Variants in SHPRH observed in about 807,000 individuals in gnomAD.
The protein encoded by SHPRH is E3 ubiquitin-protein ligase SHPRH.
A neutral mutation model predicts 202.5 loss-of-function variants in SHPRH; 106 were observed. That is an observed-to-expected ratio of 0.52 (90% CI 0.45 to 0.62). SHPRH has a LOEUF of 0.62. Among genes scored for constraint, SHPRH ranks in the 20% least tolerant of loss-of-function variants. The pLI is 0.00. For synonymous variants in SHPRH, 729 were observed against 686.0 expected (o/e 1.06, Z -0.98); for missense variants, 1,710 against 2,020.0 (o/e 0.85, Z 2.94).
chr6:145,918,796 G>A (rs1428873049), intron 22 of SHPRH: 1 of 152,454 alleles, frequency 6.6e-6, no homozygotes, highest in African/African-American at 2.4e-5. Flanking sequence ...CAGACTTAAG[G>A]CACTAAACAA....
chr6:145,875,798 A>G (rs569229654), intron 2 of SHPRH, among the ~76,000 whole-genome samples: 1 of 152,306 alleles, frequency 6.6e-6, no homozygotes, highest in East Asian at 1.9e-4. Flanking sequence ...GCAATTCCAG[A>G]TGCTACAACA....
intron 25 of SHPRH, among the ~76,000 whole-genome samples, chr6:145,902,892 T>G (rs1197704675): frequency 3.3e-5 from 5 of 152,104 alleles, no homozygotes; most frequent in Admixed American, 6.6e-5. Context: ...GAGTTTACAC[T>G]CAACAAATGA....
chr6:145,905,754 G>C (rs1176044934), intron 25 of SHPRH: 3 of 152,028 alleles, frequency 2.0e-5, no homozygotes, highest in Non-Finnish European at 2.9e-5. Flanking sequence ...AGGGCTGACT[G>C]TAAAATGTAT....
chr6:145,894,673 A>G (rs1710551576), intron 26 of SHPRH, among the ~76,000 whole-genome samples: 1 of 152,118 alleles, frequency 6.6e-6, no homozygotes, highest in African/African-American at 2.4e-5. Context: ...GAAACTAATA[A>G]AAAGTCATGA....
intron 20 of SHPRH, 115 bp downstream of exon 20, chr6:145,922,166 TAATTA>T: frequency 1.2e-6 from 1 of 833,774 alleles, no homozygotes; most frequent in Non-Finnish European, 1.8e-6. Context: ...CTAATCAATT[TAATTA>T]AAGAAACAAT....
rs186195084 is a variant in SHPRH, at chr6:145,937,086, C to T, written c.2570-1645G>A. Among the ~76,000 whole-genome samples, 223 of 150,028 alleles carry T rather than the reference C, an allele frequency of 1.5e-3. 4 individuals carry two copies. Among genetic ancestry groups the T allele is most frequent in the Admixed American group, 0.012 (187 of 15,010 alleles). On this transcript the variant is annotated intron_variant, in intron 11 of 29. Transcript: ENST00000275233. ...GCAACTTCTGCCTCCCAGGTTCAAG[C>T]GATTCTCCTGCCTCAGCCTCCCGAC...
chr6:145,859,879 T>C (rs1050875217), downstream of SHPRH, among the ~76,000 whole-genome samples: 2 of 152,052 alleles, frequency 1.3e-5, no homozygotes, highest in Non-Finnish European at 2.9e-5. Flanking sequence ...GAGTGGCAAA[T>C]GTGAGTATGT....
rs756413289 is a variant in SHPRH, at chr6:145,954,929, T to G, written c.394A>C (p.Asn132His). The change falls in exon 2 of 30, where the codon AAT becomes CAT. Residue 132 changes from asparagine to histidine, a missense_variant. Around this residue, in one of 8 missense-constraint regions of SHPRH, gnomAD observed 459 missense variants for 426.5 expected, o/e 1.08. Coordinates refer to ENST00000275233, the MANE Select transcript of SHPRH (RefSeq NM_001042683.3). ...AATGTAATACTCCTTTCGGAAAAAT[T>G]TTCAATTAAACTCTGTGCAGGAAGA... is the stretch of plus-strand genomic sequence containing the variant. Reference protein sequence around the residue: ...QLLPAQSLIENFSERSITLMS... With the variant: ...QLLPAQSLIEHFSERSITLMS... 6.2e-7 allele frequency: 1 copy of G among 1,613,806 alleles called. No individual in the cohort carries two copies. The highest frequency in any genetic ancestry group is 1.1e-5 in the South Asian group (1 of 91,062).
intron 11 of SHPRH, among the ~76,000 whole-genome samples, chr6:145,937,538 C>G (rs1786244692): frequency 6.6e-6 from 1 of 152,166 alleles, no homozygotes; most frequent in Admixed American, 6.6e-5. Flanking sequence ...CACACTGCAA[C>G]TAGAGTGATC....
In SHPRH at chr6:145,886,477, G is replaced by T; in HGVS notation, c.*214C>A. 1 of 928,714 alleles carries T rather than the reference G, an allele frequency of 1.1e-6. No homozygotes were observed. The highest frequency in any genetic ancestry group is 1.7e-6 in the Non-Finnish European group (1 of 576,544). The allele number at this position is 928,714 out of a possible 1,614,324, so 57.5% of individuals were successfully genotyped here. A position where few individuals can be genotyped will look rare whatever the true frequency, so the allele number is the denominator to read the frequency against. ...AAAAAATAAATGTTTTATTAGGAGT[G>T]TAAAATTAAGAATCTTTATAGATCT... On this transcript the variant is annotated 3_prime_UTR_variant, in exon 30 of 30. Transcript: ENST00000275233.
chr6:145,901,419 A>G (rs1032529821), intron 25 of SHPRH, among the ~76,000 whole-genome samples: 4 of 152,146 alleles, frequency 2.6e-5, no homozygotes, highest in Non-Finnish European at 5.9e-5. Flanking sequence ...AAATATTCAC[A>G]TTGTTAAAAA....
At chr6:145,868,462 T>G (rs1454556017) in intron 2 of SHPRH, among the ~76,000 whole-genome samples, 1 of 151,768 alleles carries the variant, frequency 6.6e-6, no homozygotes, top group Non-Finnish European at 1.5e-5. Flanking sequence ...AAACCCAAGT[T>G]GCTCTGAGTT....
intron 2 of SHPRH, 79 bp from the exon 3 acceptor site, chr6:145,952,557 T>C: frequency 3.7e-6 from 5 of 1,341,304 alleles, no homozygotes; most frequent in Non-Finnish European, 3.0e-6. Context: ...AAGAAAAAAT[T>C]AGCATCACTA....
At chr6:145,883,931 G>A (rs1305521301), downstream of SHPRH, 1 of 152,076 alleles carries the variant, frequency 6.6e-6, no homozygotes, top group African/African-American at 2.4e-5. Context: ...TTAAGCCTGA[G>A]GTTATTCAGC....
Position 145,894,899 on chromosome 6 carries a change from G to A in SHPRH, c.4594C>T (p.Leu1532Phe), listed in dbSNP as rs1420032880. 4 of 1,612,544 alleles carry A rather than the reference G, an allele frequency of 2.5e-6. No individual in the cohort carries two copies. The Admixed American group carries it at 6.7e-5, about 27-fold the overall frequency. ...GTTGATTATACCGTTGAGAAAACGA[G>A]TGCTTTGGCCCCTGGATCTCTAAGC... ...IQLRDPGAKA[L>F]VFSTWQDVLD... Residue 1532 changes from leucine to phenylalanine, a missense_variant, in exon 26 of 30, where the codon CTC (leucine) becomes TTC (phenylalanine). Leu to Phe is a conservative substitution (Grantham distance 22, BLOSUM62 0). Transcript: ENST00000275233.
chr6:145,898,865 G>A (rs1782244424), intron 25 of SHPRH, among the ~76,000 whole-genome samples: 1 of 152,090 alleles, frequency 6.6e-6, no homozygotes, highest in South Asian at 2.1e-4. Context: ...TAGTTGGAGT[G>A]CAGTGGTGTA....
chr6:145,891,404 A>G (rs1322059632), intron 28 of SHPRH, among the ~76,000 whole-genome samples: 1 of 152,116 alleles, frequency 6.6e-6, no homozygotes, highest in Non-Finnish European at 1.5e-5. Context: ...AAGGCCTTGC[A>G]TGCCTTCCTG....
chr6:145,950,449 C>T lies in SHPRH; in HGVS notation c.797G>A (p.Ser266Asn). ...VLEEDEDDPE[S>N]EPEGQDIDEL... is the part of the protein sequence containing the mutation. Reference sequence around the variant, plus strand: ...GTCAATGTCTTGTCCCTCTGGCTCACTCTCCGGATCATCTTCATCCTCTTC... The same window carrying T: ...GTCAATGTCTTGTCCCTCTGGCTCATTCTCCGGATCATCTTCATCCTCTTC... The change falls in exon 4 of 30, where the codon AGT (serine) becomes AAT (asparagine). Residue 266 changes from serine to asparagine, a missense_variant. Around this residue, in one of 8 missense-constraint regions of SHPRH, gnomAD observed 459 missense variants for 426.5 expected, o/e 1.08. Coordinates refer to ENST00000275233, the MANE Select transcript of SHPRH (RefSeq NM_001042683.3). 1 of 1,613,086 alleles carries T rather than the reference C, an allele frequency of 6.2e-7. No individual in the cohort carries two copies. The highest frequency in any genetic ancestry group is 8.5e-7 in the Non-Finnish European group (1 of 1,179,312).
chr6:145,869,078 A>T (rs959140039), intron 2 of SHPRH, among the ~76,000 whole-genome samples: 6 of 152,172 alleles, frequency 3.9e-5, no homozygotes, highest in African/African-American at 1.4e-4. Context: ...GATTTTGGCC[A>T]TTCCAGTAGG....
Sources: gnomAD v4.1 joint callset for allele counts (sites outside exome capture counted in the v4.1 genomes callset) on GRCh38, gnomAD v4.1.1 for gene constraint, gnomAD v4.1.1 regional missense constraint, MANE v1.5 for transcripts, NCBI Gene and HGNC (gene_info 2026-07-23, HGNC 2026-07-21) for gene names.